Variants in TMEM217 observed in about 807,000 individuals in gnomAD.
The protein encoded by TMEM217 is chromosome 6 open reading frame 128.
For synonymous variants in TMEM217, 76 were observed against 88.3 expected (o/e 0.86, Z 0.78); for missense variants, 204 against 248.8 (o/e 0.82, Z 1.21).
intron 1 of TMEM217, among the ~76,000 whole-genome samples, chr6:37,236,605 G>T (rs1208738212): frequency 6.6e-6 from 1 of 151,902 alleles, no homozygotes; most frequent in Non-Finnish European, 1.5e-5. Flanking sequence ...CATTTACTGT[G>T]AATTTATTCT....
exon 2 of TMEM217, chr6:37,218,840 C>A: frequency 6.2e-7 from 1 of 1,614,210 alleles, no homozygotes; most frequent in East Asian, 2.2e-5. Flanking sequence ...GATTTTAAAA[C>A]TCCAGCAGAT....
At chr6:37,218,246 T>G in exon 2 of TMEM217, 4 of 1,309,504 alleles carry the variant, frequency 3.1e-6, no homozygotes, top group Non-Finnish European at 4.0e-6. Flanking sequence ...CTCGGCTCAC[T>G]GCAACCTCCA....
chr6:37,234,985 A>T (rs1446932578), intron 1 of TMEM217, among the ~76,000 whole-genome samples: 1 of 152,220 alleles, frequency 6.6e-6, no homozygotes, highest in Admixed American at 6.5e-5. Context: ...ATAAACCCAG[A>T]TCATTAAATA....
exon 2 of TMEM217, chr6:37,218,744 A>G (rs764188323): frequency 5.6e-6 from 9 of 1,614,202 alleles, no homozygotes; most frequent in Non-Finnish European, 7.6e-6. Flanking sequence ...GACAATGTAG[A>G]TGACCAGGCC....
downstream of TMEM217, chr6:37,217,520 G>A (rs990610572): frequency 5.6e-6 from 3 of 535,986 alleles, no homozygotes; most frequent in African/African-American, 6.2e-5. Flanking sequence ...TCACACTACA[G>A]AGTACAGCAC....
intron 1 of TMEM217, among the ~76,000 whole-genome samples, chr6:37,252,631 A>T (rs1416999216): frequency 2.6e-5 from 2 of 77,328 alleles, no homozygotes; most frequent in African/African-American, 1.2e-4. Context: ...ATATATATAT[A>T]TATATATTTT....
chr6:37,221,040 T>A (rs1453573880), intron 1 of TMEM217, among the ~76,000 whole-genome samples: 1 of 152,138 alleles, frequency 6.6e-6, no homozygotes, highest in East Asian at 1.9e-4. Context: ...GTACAAACAA[T>A]CTCTAGAACT....
intron 1 of TMEM217, among the ~76,000 whole-genome samples, chr6:37,227,441 T>C (rs934715301): frequency 5.9e-5 from 9 of 152,162 alleles, no homozygotes; most frequent in Admixed American, 2.0e-4. Flanking sequence ...AAGCGAAGGT[T>C]TTTTTTGTTT....
intron 1 of TMEM217, among the ~76,000 whole-genome samples, chr6:37,224,231 G>A (rs1249779123): frequency 2.7e-5 from 4 of 150,342 alleles, no homozygotes; most frequent in African/African-American, 4.9e-5. Flanking sequence ...GAGCCACCGC[G>A]CCCGGCCTCT....
chr6:37,252,611 GTGTGTGTA>G (rs1562027693), intron 1 of TMEM217, among the ~76,000 whole-genome samples: 132 of 91,386 alleles, frequency 1.4e-3, no homozygotes, highest in Middle Eastern at 5.7e-3. Context: ...GTGTGTGTAT[GTGTGTGTA>G]TATATATATA....
At chr6:37,230,534 GAA>G (rs976646487) in intron 1 of TMEM217, among the ~76,000 whole-genome samples, 1 of 152,100 alleles carries the variant, frequency 6.6e-6, no homozygotes. Context: ...TTTCTTATAA[GAA>G]GAGAAGATTA....
At chr6:37,218,326 G>T in exon 2 of TMEM217, 2 of 1,174,284 alleles carry the variant, frequency 1.7e-6, no homozygotes, top group Non-Finnish European at 2.3e-6. Context: ...GTGCCGCCAC[G>T]CCTGGCTAAT....
At chr6:37,216,914 C>T (rs1015691575), downstream of TMEM217, among the ~76,000 whole-genome samples, 3 of 152,156 alleles carry the variant, frequency 2.0e-5, no homozygotes, top group African/African-American at 7.2e-5. Context: ...CAGGCCCTTA[C>T]CAGACACCAA....
At chr6:37,252,538 A>C (rs1053541851) in intron 1 of TMEM217, among the ~76,000 whole-genome samples, 1 of 150,666 alleles carries the variant, frequency 6.6e-6, no homozygotes, top group Non-Finnish European at 1.5e-5. Flanking sequence ...ATATGTCAAC[A>C]TGTATATGTT....
rs58146464 is a variant in TMEM217, at chr6:37,236,824, G to C, written c.-11-17783C>G. Among the ~76,000 whole-genome samples, 1,038 of 152,338 alleles carry C rather than the reference G, an allele frequency of 6.8e-3. 18 individuals are homozygous for C. The highest frequency in any genetic ancestry group is 0.024 in the African/African-American group (995 of 41,572). On this transcript the variant is annotated intron_variant, in intron 1 of 1. Coordinates refer to ENST00000357219, the Ensembl canonical transcript of TMEM217. ...ATTGTGGGGAATTTAGACAGGGCAT[G>C]TCCAGGATGACTTGCTACTTCTCCT...
intron 1 of TMEM217, among the ~76,000 whole-genome samples, chr6:37,250,612 C>T (rs1273969829): frequency 6.6e-6 from 1 of 152,226 alleles, no homozygotes; most frequent in Non-Finnish European, 1.5e-5. Flanking sequence ...TACCTTAAAG[C>T]AGTGCTTTTC....
In TMEM217 at chr6:37,229,341, T is replaced by TTTTTG. The variant is rs1554170957; in HGVS notation, c.-11-10301_-11-10300insCAAAA. ...GTCTCCCTAGCAACTTTCAGTTTTTTTTTTTTTTTTTTTTTTTTTGAGACA... is the reference window on the plus strand; with the variant it reads ...GTCTCCCTAGCAACTTTCAGTTTTTTTTTTGTTTTTTTTTTTTTTTTTTTGAGACA... On this transcript the variant is annotated intron_variant, in intron 1 of 1. Transcript: ENST00000357219. Among the ~76,000 whole-genome samples the TTTTTG allele has an allele frequency of 7.7e-4, 96 of 124,848 alleles. 4 individuals are homozygous for TTTTTG. Among genetic ancestry groups the TTTTTG allele is most frequent in the African/African-American group, 2.9e-3 (92 of 31,482 alleles). The allele number at this position is 124,848 out of a possible 152,430, so 81.9% of individuals were successfully genotyped here. A position where few individuals can be genotyped will look rare whatever the true frequency, so the allele number is the denominator to read the frequency against.
rs1418077201 is a variant in TMEM217, at chr6:37,255,583, C to T, written c.-12+1985G>A. ...CTGTTAGTCCCAGCTACTCAGGAGG[C>T]TGATGTGGGAGGATTGCTTGAGCCC... On this transcript the variant is annotated intron_variant, in intron 1 of 1. Coordinates refer to ENST00000357219, the Ensembl canonical transcript of TMEM217. 2.0e-5 allele frequency among the ~76,000 whole-genome samples: 3 copies of T among 151,508 alleles called. No homozygotes were observed. The East Asian group carries it at 5.8e-4, about 29-fold the overall frequency.
At chr6:37,241,541 C>T (rs1020829771) in intron 1 of TMEM217, among the ~76,000 whole-genome samples, 2 of 152,112 alleles carry the variant, frequency 1.3e-5, no homozygotes, top group African/African-American at 2.4e-5. Flanking sequence ...GATCCAAGGT[C>T]CCCATTCTTG....
Sources: allele counts gnomAD v4.1 joint callset (sites outside exome capture counted in the v4.1 genomes callset), GRCh38; gene constraint gnomAD v4.1.1; transcripts MANE v1.5; gene names NCBI Gene and HGNC (gene_info 2026-07-23, HGNC 2026-07-21).